INHBB: variants seen among roughly 807,000 people sequenced by gnomAD.
INHBB encodes inhibin subunit beta B, also known as inhibin beta B chain.
A neutral mutation model predicts 28.9 loss-of-function variants in INHBB; 8 were observed. That is an observed-to-expected ratio of 0.28 (90% confidence interval 0.16 to 0.50). INHBB has a LOEUF of 0.50. INHBB is among the 20% of genes least tolerant of loss of function. The probability of loss-of-function intolerance (pLI) is 0.98; values close to 1 mark genes in which losing one functional copy is unlikely to be tolerated. For synonymous variants in INHBB, 293 were observed against 262.7 expected, an observed-to-expected ratio of 1.12 and a Z score of -1.12; for missense variants, 499 against 597.8, an observed-to-expected ratio of 0.83 and a Z score of 1.72.
chr2:120,351,623 A>G lies in INHBB; in HGVS notation c.*1749A>G, dbSNP rs1474777090. On this transcript the variant is annotated 3_prime_UTR_variant, in exon 2 of 2. Transcript: ENST00000295228. The stretch of plus-strand genomic sequence containing the variant: ...TCCTTACACACCCAGAAGGTAGAGT[A>G]AAAATGACTATGATAGAATGCAGGT... The G allele has an allele frequency of 6.6e-6, 1 of 152,252 alleles. No homozygotes were observed. Among genetic ancestry groups the G allele is most frequent in the African/African-American group, 2.4e-5 (1 of 41,470 alleles). 9.4% of individuals were successfully genotyped at this position (152,252 alleles called of 1,614,324 possible). A position where few individuals can be genotyped will look rare whatever the true frequency, so the allele number is the denominator to read the frequency against.
At chr2:120,347,711 C>G (rs1691186045) in intron 1 of INHBB, among the ~76,000 whole-genome samples, 1 of 152,158 alleles carries the variant, frequency 6.6e-6, no homozygotes. Context: ...CAAATGCCCC[C>G]CACCCCACCA....
At position 120,349,282 on chromosome 2, in the gene INHBB, G is replaced by C; in HGVS notation, c.632G>C (p.Arg211Thr). 6.8e-6 allele frequency: 11 copies of C among 1,614,198 alleles called. No individual in the cohort carries two copies. Among genetic ancestry groups the C allele is most frequent in the Non-Finnish European group, 8.5e-6 (10 of 1,180,044 alleles). ...TTCCAGGAGCAGGGCCACGGTGACA[G>C]GTGGAACATGGTGGAGAAGAGGGTG... ...VYFQEQGHGDRWNMVEKRVDL... is the reference protein window; with the variant it reads ...VYFQEQGHGDTWNMVEKRVDL... Residue 211 changes from arginine (R) to threonine (T), a missense_variant, in exon 2 of 2, where the codon AGG becomes ACG. By Grantham distance (71) the Arg-to-Thr change is moderately conservative. Coordinates refer to ENST00000295228, the MANE Select transcript of INHBB (RefSeq NM_002193.4). This position sits in a 1 kb window ranked among gnomAD's most constrained non-coding sequence, Gnocchi z 5.6.
intron 1 of INHBB, among the ~76,000 whole-genome samples, chr2:120,347,336 C>T (rs1558972755): frequency 6.6e-6 from 1 of 152,130 alleles, no homozygotes; most frequent in Non-Finnish European, 1.5e-5. Flanking sequence ...CTGCAGCAGA[C>T]CCCTCGCCCG....
chr2:120,347,179 G>C (rs963416526), intron 1 of INHBB, among the ~76,000 whole-genome samples: 2 of 152,322 alleles, frequency 1.3e-5, no homozygotes, highest in East Asian at 3.9e-4. Context: ...GATTGCTGAA[G>C]CCTCGCTGGG....
chr2:120,347,413 A>G (rs1339492384), intron 1 of INHBB, among the ~76,000 whole-genome samples: 1 of 35,374 alleles, frequency 2.8e-5, no homozygotes, highest in East Asian at 7.8e-4. Flanking sequence ...CCCCGGCCCC[A>G]GATTGCAAAT....
Position 120,346,218 on chromosome 2 carries a change from G to T in INHBB, c.30G>T (p.Gly10=). 1 of 1,212,402 alleles carries T rather than the reference G, an allele frequency of 8.2e-7. No individual in the cohort carries two copies. Among genetic ancestry groups the T allele is most frequent in the Non-Finnish European group, 1.0e-6 (1 of 976,124 alleles). The allele number at this position is 1,212,402 out of a possible 1,614,324, so 75.1% of individuals were successfully genotyped here. The change falls in exon 1 of 2, where the codon GGG becomes GGT. Residue 10 remains glycine, a synonymous_variant. Coordinates refer to ENST00000295228, the MANE Select transcript of INHBB (RefSeq NM_002193.4). MDGLPGRAL[G]AACLLLLAAG... ...ACGGGCTGCCCGGTCGGGCGCTGGG[G>T]GCCGCCTGCCTTCTGCTGCTGGCGG... is the stretch of plus-strand genomic sequence containing the variant.
intron 1 of INHBB, among the ~76,000 whole-genome samples, chr2:120,348,875 C>G (rs1274421060): frequency 6.6e-6 from 1 of 152,134 alleles, no homozygotes; most frequent in Non-Finnish European, 1.5e-5. Context: ...GGCGCGGACC[C>G]TCCAGCCCCA....
In INHBB at chr2:120,346,422, G is replaced by T. The variant is rs1289608100; in HGVS notation, c.234G>T (p.Val78=). The change falls in exon 1 of 2, where the codon GTG becomes GTT. Residue 78 remains valine (V), a synonymous_variant. Coordinates refer to ENST00000295228, the MANE Select transcript of INHBB (RefSeq NM_002193.4). ...GRVDGDFLEA[V]KRHILSRLQM... is the part of the protein sequence containing the mutation. Reference sequence around the variant, plus strand: ...TGGACGGCGACTTCCTGGAGGCGGTGAAGCGGCACATCTTGAGCCGCCTGC... The same window carrying T: ...TGGACGGCGACTTCCTGGAGGCGGTTAAGCGGCACATCTTGAGCCGCCTGC... The T allele has an allele frequency of 1.3e-6, 2 of 1,549,372 alleles. No homozygotes were observed.
At position 120,346,407 on chromosome 2, in the gene INHBB, C is replaced by G; in HGVS notation, c.219C>G (p.Asp73Glu). The change falls in exon 1 of 2, where the codon GAC becomes GAG. Residue 73 changes from aspartate to glutamate, a missense_variant. Asp to Glu is a conservative substitution (Grantham distance 45). This residue lies in a region of INHBB where 385 missense variants were observed against 415.2 expected (regional missense o/e 0.93). Coordinates refer to ENST00000295228, the MANE Select transcript of INHBB (RefSeq NM_002193.4). ...AGGAGCTCGGCCGAGTGGACGGCGACTTCCTGGAGGCGGTGAAGCGGCACA... is the reference window on the plus strand; with the variant it reads ...AGGAGCTCGGCCGAGTGGACGGCGAGTTCCTGGAGGCGGTGAAGCGGCACA... Reference protein sequence around the residue: ...RPEELGRVDGDFLEAVKRHIL... With the variant: ...RPEELGRVDGEFLEAVKRHIL... 6.5e-7 allele frequency: 1 copy of G among 1,544,384 alleles called. No individual in the cohort carries two copies. The highest frequency in any genetic ancestry group is 8.7e-7 in the Non-Finnish European group (1 of 1,152,412).
intron 1 of INHBB, among the ~76,000 whole-genome samples, chr2:120,347,076 T>A (rs914639043): frequency 1.8e-4 from 27 of 151,178 alleles, no homozygotes; most frequent in African/African-American, 6.3e-4. Context: ...AGAGAGAGAG[T>A]GTGTGTGTAT....
chr2:120,349,757 C>G lies in INHBB; in HGVS notation c.1107C>G (p.Asn369Lys). 6.2e-7 allele frequency: 1 copy of G among 1,613,592 alleles called. No individual in the cohort carries two copies. Among genetic ancestry groups the G allele is most frequent in the East Asian group, 2.2e-5 (1 of 44,884 alleles). The part of the protein sequence containing the change: ...RMRGLNPGTV[N>K]SCCIPTKLST... Reference sequence around the variant, plus strand: ...GGGGTCTGAACCCCGGCACGGTGAACTCCTGCTGCATTCCCACCAAGCTGA... The same window carrying G: ...GGGGTCTGAACCCCGGCACGGTGAAGTCCTGCTGCATTCCCACCAAGCTGA... Residue 369 changes from asparagine to lysine, a missense_variant, in exon 2 of 2, where the codon AAC becomes AAG. Asn to Lys is a moderately conservative substitution (Grantham distance 94, BLOSUM62 0). Transcript: ENST00000295228. This position sits in a 1 kb window ranked among gnomAD's most constrained non-coding sequence, Gnocchi z 5.6.
chr2:120,347,722 G>A (rs1479103616), intron 1 of INHBB, among the ~76,000 whole-genome samples: 3 of 152,224 alleles, frequency 2.0e-5, no homozygotes, highest in East Asian at 1.9e-4. Context: ...CACCCCACCA[G>A]GCAGCAGGCA....
chr2:120,349,402 A>G lies in INHBB; in HGVS notation c.752A>G (p.Gln251Arg). 6.2e-7 allele frequency: 1 copy of G among 1,613,784 alleles called. No homozygotes were observed. Among genetic ancestry groups the G allele is most frequent in the Non-Finnish European group, 8.5e-7 (1 of 1,179,998 alleles). Residue 251 changes from glutamine to arginine, a missense_variant, in exon 2 of 2, where the codon CAG (glutamine) becomes CGG (arginine). Transcript: ENST00000295228. This position sits in a 1 kb window ranked among gnomAD's most constrained non-coding sequence, Gnocchi z 5.6. ...GAGCGGCGACTCAACCTAGACGTGC[A>G]GTGTGACAGCTGCCAGGAGCTGGCC... is the stretch of plus-strand genomic sequence containing the variant. ...RGERRLNLDV[Q>R]CDSCQELAVV...
intron 1 of INHBB, among the ~76,000 whole-genome samples, chr2:120,348,777 C>T (rs13417549): frequency 6.6e-6 from 1 of 152,078 alleles, no homozygotes; most frequent in Non-Finnish European, 1.5e-5. Flanking sequence ...GATCTTGGCC[C>T]CCTGACAAGT....
Position 120,349,158 on chromosome 2 carries a change from A to C in INHBB, c.508A>C (p.Asn170His). 6.2e-7 allele frequency: 1 copy of C among 1,613,952 alleles called. No individual in the cohort carries two copies. Among genetic ancestry groups the C allele is most frequent in the East Asian group, 2.2e-5 (1 of 44,874 alleles). The change falls in exon 2 of 2, where the codon AAC becomes CAC. Residue 170 changes from asparagine to histidine, a missense_variant. Transcript: ENST00000295228. This position sits in a 1 kb window ranked among gnomAD's most constrained non-coding sequence, Gnocchi z 5.6. ...CTTCATCTCCAACGAAGGCAACCAG[A>C]ACCTGTTTGTGGTCCAGGCCAGCCT... ...YFFISNEGNQ[N>H]LFVVQASLWL...
rs765268608 is a variant in INHBB, at chr2:120,349,836, G to C, written c.1186G>C (p.Val396Leu). Residue 396 changes from valine to leucine, a missense_variant, in exon 2 of 2, where the codon GTG becomes CTG. Coordinates refer to ENST00000295228, the MANE Select transcript of INHBB (RefSeq NM_002193.4). This position sits in a 1 kb window ranked among gnomAD's most constrained non-coding sequence, Gnocchi z 5.6. ...DDEYNIVKRD[V>L]PNMIVEECGC... ...TGAGTACAACATCGTCAAGCGGGACGTGCCCAACATGATTGTGGAGGAGTG... is the reference window on the plus strand; with the variant it reads ...TGAGTACAACATCGTCAAGCGGGACCTGCCCAACATGATTGTGGAGGAGTG... 1 of 1,612,888 alleles carries C rather than the reference G, an allele frequency of 6.2e-7. No individual in the cohort carries two copies. The highest frequency in any genetic ancestry group is 1.1e-5 in the South Asian group (1 of 91,068).
chr2:120,350,169 A>T lies in INHBB; in HGVS notation c.*295A>T, dbSNP rs531976266. On this transcript the variant is annotated 3_prime_UTR_variant, in exon 2 of 2. Transcript: ENST00000295228. ...CAGCCTCCAGGATACCAGCAAATGG[A>T]TGCGGTGACAAATGGCAGCTTAGCT... 257 of 393,830 alleles carry T rather than the reference A, an allele frequency of 6.5e-4. 1 individual carries two copies. The highest frequency in any genetic ancestry group is 4.8e-3 in the African/African-American group (236 of 49,560). 24.4% of individuals were successfully genotyped at this position (393,830 alleles called of 1,614,324 possible).
rs778327864 is a variant in INHBB, at chr2:120,351,610, C to CAGAAGGTA, written c.*1737_*1744dup. The CAGAAGGTA allele has an allele frequency of 2.6e-5, 4 of 152,174 alleles. No homozygotes were observed. Among genetic ancestry groups the CAGAAGGTA allele is most frequent in the Non-Finnish European group, 5.9e-5 (4 of 68,038 alleles). The allele number at this position is 152,174 out of a possible 1,614,324, so 9.4% of individuals were successfully genotyped here. On this transcript the variant is annotated 3_prime_UTR_variant, in exon 2 of 2. Coordinates refer to ENST00000295228, the MANE Select transcript of INHBB (RefSeq NM_002193.4). ...TGTGTCTTTTCCATCCTTACACACC[C>CAGAAGGTA]AGAAGGTAGAGTAAAAATGACTATG...
Position 120,349,082 on chromosome 2 carries a change from C to G in INHBB, c.449-17C>G. ...TCTCCTTGAATTAACTTGGCTCGCC[C>G]TTCCCCTTTTCCGCAGATGGCCTCG... On this transcript the variant is annotated splice_polypyrimidine_tract_variant and intron_variant, in intron 1 of 1. Coordinates refer to ENST00000295228, the MANE Select transcript of INHBB (RefSeq NM_002193.4). The surrounding 1 kb of genome is among the most constrained non-coding windows in gnomAD (Gnocchi z 5.6). 1 of 1,584,110 alleles carries G rather than the reference C, an allele frequency of 6.3e-7. No homozygotes were observed. Among genetic ancestry groups the G allele is most frequent in the South Asian group, 1.2e-5 (1 of 86,754 alleles).
Sources: allele counts gnomAD v4.1 joint callset (sites outside exome capture counted in the v4.1 genomes callset), GRCh38; gene constraint gnomAD v4.1.1; regional missense constraint gnomAD v4.1.1; non-coding constraint Gnocchi (gnomAD v3.1); transcripts MANE v1.5; gene names NCBI Gene and HGNC (gene_info 2026-07-23, HGNC 2026-07-21).